The following TTC17 variants were observed in gnomAD, a reference collection of about 807,000 sequenced individuals.
The protein encoded by TTC17 is tetratricopeptide repeat domain 17.
In TTC17, 58 loss-of-function variants were observed where a neutral mutation model predicts 143.8. That is an observed-to-expected ratio of 0.40 (90% CI 0.33 to 0.50). The LOEUF is 0.50. Ranked by LOEUF, TTC17 falls within the 20% of genes least tolerant of loss-of-function variation. The probability of loss-of-function intolerance (pLI) is 0.49; values close to 1 mark genes in which losing one functional copy is unlikely to be tolerated. For missense variants in TTC17, 1,273 were observed against 1,392.5 expected, an observed-to-expected ratio of 0.91 and a Z score of 1.37; for synonymous variants, 501 against 497.8, an observed-to-expected ratio of 1.01 and a Z score of -0.09.
intron 1 of TTC17, 104 bp from the exon 2 acceptor site, chr11:43,379,129 T>C: frequency 9.3e-7 from 1 of 1,070,100 alleles, no homozygotes. Flanking sequence ...ATAACGCTGA[T>C]TACAATGGCG....
chr11:43,364,798 A>G (rs772090110), intron 1 of TTC17, among the ~76,000 whole-genome samples: 1 of 152,078 alleles, frequency 6.6e-6, no homozygotes, highest in Admixed American at 6.6e-5. Context: ...TCAATTTTTT[A>G]AATTTTTATT....
intron 11 of TTC17, among the ~76,000 whole-genome samples, chr11:43,405,231 A>G (rs1858062407): frequency 6.6e-6 from 1 of 151,896 alleles, no homozygotes; most frequent in African/African-American, 2.4e-5. Flanking sequence ...TAAGAGCCTA[A>G]GACTTGCTTC....
chr11:43,379,839 CT>C (rs752925955), intron 2 of TTC17, among the ~76,000 whole-genome samples: 1 of 152,012 alleles, frequency 6.6e-6, no homozygotes, highest in Non-Finnish European at 1.5e-5. Flanking sequence ...TAAAATCTGA[CT>C]TTTTTTAATA....
chr11:43,389,124 G>C (rs912775564), intron 2 of TTC17, among the ~76,000 whole-genome samples: 63 of 149,772 alleles, frequency 4.2e-4, no homozygotes, highest in African/African-American at 1.5e-3. Context: ...CTGGGTGACA[G>C]CAAGACACTG....
intron 18 of TTC17, chr11:43,446,096 G>A (rs1453677090): frequency 6.7e-6 from 10 of 1,486,998 alleles, no homozygotes; most frequent in Non-Finnish European, 8.9e-6. Context: ...TCCTAGTGTG[G>A]TGTACAAGAC....
intron 1 of TTC17, among the ~76,000 whole-genome samples, chr11:43,362,965 C>T (rs762199498): frequency 1.3e-5 from 2 of 152,170 alleles, no homozygotes; most frequent in Non-Finnish European, 2.9e-5. Flanking sequence ...TTCTCCTCTC[C>T]GCTCTGTGCT....
At chr11:43,380,962 G>C (rs1365142323) in intron 2 of TTC17, among the ~76,000 whole-genome samples, 1 of 151,998 alleles carries the variant, frequency 6.6e-6, no homozygotes, top group Non-Finnish European at 1.5e-5. Context: ...AGATGCAATG[G>C]TGCAGAAAAA....
At chr11:43,453,469 T>C (rs60743219) in intron 21 of TTC17, among the ~76,000 whole-genome samples, 21,799 of 152,046 alleles carry the variant, frequency 0.14, 4,206 homozygotes, top group African/African-American at 0.44. Context: ...TTTAGAATAC[T>C]TAAAGAATAA....
chr11:43,432,592 A>T (rs986002516), intron 16 of TTC17, among the ~76,000 whole-genome samples: 10 of 152,332 alleles, frequency 6.6e-5, no homozygotes, highest in African/African-American at 2.2e-4. Flanking sequence ...CATACCTCTC[A>T]AGGTTAGTGT....
chr11:43,464,547 G>A (rs1040841485), intron 21 of TTC17, among the ~76,000 whole-genome samples: 5 of 152,044 alleles, frequency 3.3e-5, no homozygotes, highest in African/African-American at 1.2e-4. Context: ...GCTGGGAACA[G>A]TATTTTCAAA....
chr11:43,383,220 A>G (rs1287287191), intron 2 of TTC17, among the ~76,000 whole-genome samples: 1 of 152,128 alleles, frequency 6.6e-6, no homozygotes, highest in African/African-American at 2.4e-5. Context: ...CAAATAAATT[A>G]CAAGGGAGTG....
At chr11:43,376,046 A>G (rs1321325615) in intron 1 of TTC17, among the ~76,000 whole-genome samples, 2 of 152,220 alleles carry the variant, frequency 1.3e-5, no homozygotes, top group African/African-American at 4.8e-5. Flanking sequence ...AATTGGATAC[A>G]TGTACAGGTT....
chr11:43,425,326 A>C (rs1947000819), intron 16 of TTC17, among the ~76,000 whole-genome samples: 1 of 152,144 alleles, frequency 6.6e-6, no homozygotes, highest in Admixed American at 6.5e-5. Context: ...TCTCTTGAAA[A>C]AAAAAATTTT....
At chr11:43,386,982 G>T (rs966986729) in intron 2 of TTC17, among the ~76,000 whole-genome samples, 1 of 152,000 alleles carries the variant, frequency 6.6e-6, no homozygotes, top group Non-Finnish European at 1.5e-5. Flanking sequence ...ATGGGGTCTC[G>T]CAGTATTGCC....
At chr11:43,362,047 C>T (rs965202395) in intron 1 of TTC17, among the ~76,000 whole-genome samples, 2 of 143,980 alleles carry the variant, frequency 1.4e-5, no homozygotes, top group Admixed American at 1.4e-4. Flanking sequence ...ATGGCGCTAT[C>T]TTGGCTCACC....
rs1043753145 is a variant in TTC17 at position 43,453,182 on chromosome 11, G to A, written c.3030+1917G>A. Among the ~76,000 whole-genome samples the A allele has an allele frequency of 2.3e-4, 17 of 73,946 alleles. No homozygotes were observed. The East Asian group carries it at 3.5e-3, about 15-fold the overall frequency. 48.5% of individuals were successfully genotyped at this position (73,946 alleles called of 152,430 possible). ...CAGAAGTGACAAGTGACGAAAATAA[G>A]AGAGTTAAAGAAAAATTGAAGATAA... On this transcript the variant is annotated intron_variant, in intron 21 of 23. Transcript: ENST00000039989.
chr11:43,448,119 T>C lies in TTC17; in HGVS notation c.2783T>C (p.Ile928Thr). ...TGGCTTGCAGTTTCTTCAAAAAACATTGAGTAAGTATGTTAAGCCTCTCCC... is the reference window on the plus strand; with the variant it reads ...TGGCTTGCAGTTTCTTCAAAAAACACTGAGTAAGTATGTTAAGCCTCTCCC... ...STWLAVSSKN[I>T]DITEHIDFAT... is the part of the protein sequence containing the mutation. Residue 928 changes from isoleucine (I) to threonine (T), a missense_variant, in exon 19 of 24, where the codon ATT (isoleucine) becomes ACT (threonine). Physicochemically the swap from Ile to Thr is moderately conservative, Grantham distance 89 (BLOSUM62 -1). This residue lies in a region of TTC17 where 878 missense variants were observed against 899.8 expected (regional missense o/e 0.98). Transcript: ENST00000039989. 1 of 1,614,014 alleles carries C rather than the reference T, an allele frequency of 6.2e-7. No individual in the cohort carries two copies. Among genetic ancestry groups the C allele is most frequent in the Non-Finnish European group, 8.5e-7 (1 of 1,179,940 alleles).
chr11:43,424,027 C>A (rs900436281), intron 16 of TTC17, among the ~76,000 whole-genome samples: 3 of 151,452 alleles, frequency 2.0e-5, no homozygotes, highest in African/African-American at 7.3e-5. Context: ...TATCCTGTTA[C>A]TTAGTGACTA....
chr11:43,483,166 CAAAT>C (rs1354648433), intron 21 of TTC17, among the ~76,000 whole-genome samples: 1 of 140,682 alleles, frequency 7.1e-6, no homozygotes, highest in Non-Finnish European at 1.6e-5. Context: ...TCATAATTCT[CAAAT>C]AAATTAAGTA....
Sources: gnomAD v4.1 joint callset for allele counts (sites outside exome capture counted in the v4.1 genomes callset) on GRCh38, gnomAD v4.1.1 for gene constraint, gnomAD v4.1.1 regional missense constraint, MANE v1.5 for transcripts, NCBI Gene and HGNC (gene_info 2026-07-23, HGNC 2026-07-21) for gene names.